VIT: variants seen among roughly 807,000 people sequenced by gnomAD.
The protein encoded by VIT is vitrin.
A neutral mutation model predicts 78.0 loss-of-function variants in VIT; 99 were observed. That is an observed-to-expected ratio of 1.27 (90% CI 1.08 to 1.50). The LOEUF (loss-of-function observed/expected upper bound fraction) is 1.50. Ranked by LOEUF, VIT falls within the 40% of genes most tolerant of loss-of-function variation. The probability of loss-of-function intolerance (pLI) is 0.00; values close to 1 mark genes in which losing one functional copy is unlikely to be tolerated. For missense variants in VIT, 1,126 were observed against 875.3 expected (o/e 1.29, Z -3.61); for synonymous variants, 374 against 334.3 (o/e 1.12, Z -1.29).
intron 3 of VIT, among the ~76,000 whole-genome samples, chr2:36,733,087 G>A (rs1424361005): frequency 6.6e-6 from 1 of 152,180 alleles, no homozygotes; most frequent in Non-Finnish European, 1.5e-5. Flanking sequence ...GGACTTCTTC[G>A]AGAGGGCAAT....
In VIT at chr2:36,743,263, G is replaced by T. The variant is rs759028898; in HGVS notation, c.275+7G>T. On this transcript the variant is annotated splice_region_variant and intron_variant, in intron 4 of 15. Coordinates refer to ENST00000379242, the MANE Select transcript of VIT (RefSeq NM_053276.4). Reference sequence around the variant, plus strand: ...GTGGCGCTGCCGTACACAGGTGAGTGGTTCTGAGCTACTTAATAACTAACT... The same window carrying T: ...GTGGCGCTGCCGTACACAGGTGAGTTGTTCTGAGCTACTTAATAACTAACT... 1.9e-6 allele frequency: 3 copies of T among 1,595,518 alleles called. No homozygotes were observed. In the South Asian group the frequency reaches 3.4e-5, roughly 18 times the overall value.
At chr2:36,757,768 A>G (rs1195409607) in intron 5 of VIT, among the ~76,000 whole-genome samples, 2 of 152,252 alleles carry the variant, frequency 1.3e-5, no homozygotes, top group African/African-American at 2.4e-5. Context: ...CATTTTTTCC[A>G]TTAGATGTCT....
chr2:36,783,179 T>C (rs1664873134), intron 10 of VIT, among the ~76,000 whole-genome samples, 161 bp from the exon 11 acceptor site: 1 of 152,196 alleles, frequency 6.6e-6, no homozygotes, highest in African/African-American at 2.4e-5. Flanking sequence ...AATATTAATT[T>C]ATTATTTTTC....
intron 2 of VIT, among the ~76,000 whole-genome samples, chr2:36,716,853 G>A (rs961819617): frequency 6.2e-5 from 9 of 145,526 alleles, no homozygotes; most frequent in African/African-American, 2.0e-4. Context: ...AGCAACTCAC[G>A]CTTTTAGAGA....
chr2:36,731,615 G>A (rs562479667), intron 3 of VIT, among the ~76,000 whole-genome samples: 2 of 152,096 alleles, frequency 1.3e-5, no homozygotes, highest in East Asian at 1.9e-4. Flanking sequence ...TAAAAGTAAG[G>A]GCTATTATTA....
intron 3 of VIT, 110 bp from the exon 4 acceptor site, chr2:36,742,990 C>T: frequency 7.1e-7 from 1 of 1,415,816 alleles, no homozygotes; most frequent in Non-Finnish European, 9.6e-7. Context: ...GTAGAGTCGG[C>T]CCAGGCTCTG....
intron 12 of VIT, among the ~76,000 whole-genome samples, chr2:36,796,177 T>C (rs1191856837): frequency 6.6e-6 from 1 of 151,942 alleles, no homozygotes; most frequent in Non-Finnish European, 1.5e-5. Context: ...AAATTTATGG[T>C]CATGTTATCC....
chr2:36,770,704 A>G (rs1189953015), intron 7 of VIT, among the ~76,000 whole-genome samples: 1 of 152,228 alleles, frequency 6.6e-6, no homozygotes, highest in East Asian at 1.9e-4. Flanking sequence ...TGGAAAAGAC[A>G]GAAAATCCCT....
intron 2 of VIT, among the ~76,000 whole-genome samples, chr2:36,721,104 T>C (rs1666480593): frequency 6.6e-6 from 1 of 152,132 alleles, no homozygotes; most frequent in Non-Finnish European, 1.5e-5. Context: ...TAAAACCGCA[T>C]TGTTTACTTG....
chr2:36,759,404 A>G, intron 6 of VIT: 1 of 1,358,554 alleles, frequency 7.4e-7, no homozygotes, highest in Non-Finnish European at 9.5e-7. Context: ...GTATCTACTT[A>G]GATATGAAAT....
chr2:36,780,610 A>T (rs141684700), intron 9 of VIT, among the ~76,000 whole-genome samples: 1 of 152,324 alleles, frequency 6.6e-6, no homozygotes, highest in East Asian at 1.9e-4. Context: ...AACTAGATTA[A>T]ACTCAGGTCT....
intron 2 of VIT, among the ~76,000 whole-genome samples, chr2:36,719,410 A>G (rs149949854): frequency 2.0e-5 from 3 of 152,208 alleles, no homozygotes; most frequent in Non-Finnish European, 4.4e-5. Context: ...TGCAGATAAC[A>G]TGATATTATA....
intron 2 of VIT, among the ~76,000 whole-genome samples, chr2:36,720,611 T>A (rs1666442871): frequency 6.6e-6 from 1 of 152,214 alleles, no homozygotes. Flanking sequence ...TTCATTTACA[T>A]ACTGTATCGA....
chr2:36,716,312 C>T lies in VIT; in HGVS notation c.-18-41C>T, dbSNP rs552261958. On this transcript the variant is annotated intron_variant, in intron 1 of 15. Transcript: ENST00000379242. ...ACTCTGTGCATCCAAATCAGAACCCCCGGCTGAAATATGATGACGTTATTG... is the reference window on the plus strand; with the variant it reads ...ACTCTGTGCATCCAAATCAGAACCCTCGGCTGAAATATGATGACGTTATTG... 2.1e-4 allele frequency: 330 copies of T among 1,571,712 alleles called. 1 individual carries two copies. The South Asian group carries it at 3.4e-3, about 16-fold the overall frequency.
At chr2:36,733,049 G>A (rs966405081) in intron 3 of VIT, among the ~76,000 whole-genome samples, 3 of 152,228 alleles carry the variant, frequency 2.0e-5, no homozygotes, top group Non-Finnish European at 2.9e-5. Flanking sequence ...AGATGGTGAA[G>A]AGTTTTACTG....
chr2:36,791,056 C>T (rs1399223421), intron 12 of VIT, among the ~76,000 whole-genome samples: 3 of 152,170 alleles, frequency 2.0e-5, no homozygotes, highest in Admixed American at 2.0e-4. Context: ...ATAAATGGAA[C>T]ATAATTGCAC....
chr2:36,777,026 T>C (rs1291319762), intron 9 of VIT, among the ~76,000 whole-genome samples: 7 of 142,728 alleles, frequency 4.9e-5, no homozygotes, highest in African/African-American at 7.5e-5. Context: ...GAGGCGGAGC[T>C]TGCAGTGAGC....
chr2:36,809,502 C>G lies in VIT; in HGVS notation c.1903+517C>G, dbSNP rs865991000. On this transcript the variant is annotated intron_variant, in intron 15 of 15. Transcript: ENST00000379242. ...GTGCCATCTCCAATCACTGCAACCT[C>G]TGCCTCCCAGGTTGAAGCAATTCTC... Among the ~76,000 whole-genome samples, 8 of 152,364 alleles carry G rather than the reference C, an allele frequency of 5.3e-5. 1 individual carries two copies. Among genetic ancestry groups the G allele is most frequent in the South Asian group, 2.1e-4 (1 of 4,826 alleles).
At chr2:36,699,516 T>TTTTA (rs10661448) in intron 1 of VIT, among the ~76,000 whole-genome samples, 24,859 of 148,892 alleles carry the variant, frequency 0.17, 2,649 homozygotes, top group East Asian at 0.43. Context: ...TTAGAGGGGG[T>TTTTA]TATATATATA....
Sources: gnomAD v4.1 joint callset for allele counts (sites outside exome capture counted in the v4.1 genomes callset) on GRCh38, gnomAD v4.1.1 for gene constraint, MANE v1.5 for transcripts, NCBI Gene and HGNC (gene_info 2026-07-23, HGNC 2026-07-21) for gene names.